PTPRB: variants seen among roughly 807,000 people sequenced by gnomAD.
PTPRB encodes the protein protein tyrosine phosphatase receptor type B, also known as receptor-type tyrosine-protein phosphatase beta.
A neutral mutation model predicts 238.1 loss-of-function variants in PTPRB; 97 were observed. That is an observed-to-expected ratio of 0.41 (90% confidence interval 0.35 to 0.48). PTPRB has a LOEUF of 0.48. Among genes scored for constraint, PTPRB ranks in the 20% least tolerant of loss-of-function variants. PTPRB has a pLI of 0.30. For missense variants in PTPRB, 2,292 were observed against 2,681.9 expected, an observed-to-expected ratio of 0.85 and a Z score of 3.21; for synonymous variants, 970 against 995.4, an observed-to-expected ratio of 0.97 and a Z score of 0.48.
At chr12:70,629,701 A>G (rs983108708) in intron 2 of PTPRB, among the ~76,000 whole-genome samples, 1 of 152,162 alleles carries the variant, frequency 6.6e-6, no homozygotes, top group Non-Finnish European at 1.5e-5. Context: ...GACTGCTAAC[A>G]AGACTAATAA....
At chr12:70,590,914 T>A (rs2136460256) in intron 7 of PTPRB, among the ~76,000 whole-genome samples, 1 of 151,062 alleles carries the variant, frequency 6.6e-6, no homozygotes, top group African/African-American at 2.4e-5. Flanking sequence ...TAGGTCCTTA[T>A]TAAAGATCAT....
chr12:70,520,426 A>C lies in PTPRB; in HGVS notation c.*1063T>G, dbSNP rs896911344. ...GAAGACCACTGTTTTTGTTTTTGCT[A>C]TTGTTTTTAAATTTACTATATATGA... On this transcript the variant is annotated 3_prime_UTR_variant, in exon 34 of 34. Coordinates refer to ENST00000334414, the MANE Select transcript of PTPRB (RefSeq NM_001109754.4). 8.6e-6 allele frequency: 2 copies of C among 231,394 alleles called. No individual in the cohort carries two copies. The highest frequency in any genetic ancestry group is 1.7e-5 in the Non-Finnish European group (2 of 114,622). 14.3% of individuals were successfully genotyped at this position (231,394 alleles called of 1,614,324 possible).
chr12:70,571,566 T>G, intron 12 of PTPRB: 2 of 585,652 alleles, frequency 3.4e-6, no homozygotes, highest in Non-Finnish European at 5.9e-6. Flanking sequence ...GTCTAGAATC[T>G]AAATGCCATG....
At position 70,539,008 on chromosome 12, in the gene PTPRB, T is replaced by A; in HGVS notation, c.5785A>T (p.Lys1929Ter). ...YLLSKEYEELKDVGRNQSCDI... is the reference protein window; with the variant it reads ...YLLSKEYEEL ...CATGACTGGTTTCGGCCCACGTCTTTTAACTCCTGTTAGGTCAAATATGAG... is the reference window on the plus strand; with the variant it reads ...CATGACTGGTTTCGGCCCACGTCTTATAACTCCTGTTAGGTCAAATATGAG... Residue 1929 changes from lysine (K) to a stop codon, truncating the protein, a stop_gained, in exon 27 of 34, where the codon AAA becomes TAA. Coordinates refer to ENST00000334414, the MANE Select transcript of PTPRB (RefSeq NM_001109754.4). LOFTEE classifies it high-confidence loss of function. The A allele has an allele frequency of 6.2e-7, 1 of 1,612,820 alleles. No individual in the cohort carries two copies. Among genetic ancestry groups the A allele is most frequent in the Non-Finnish European group, 8.5e-7 (1 of 1,179,076 alleles).
intron 30 of PTPRB, 80 bp downstream of exon 30, chr12:70,534,753 A>G: frequency 3.7e-6 from 6 of 1,600,068 alleles, no homozygotes; most frequent in Non-Finnish European, 5.1e-6. Context: ...AAACTACAAG[A>G]GAGGAACCAG....
At chr12:70,586,942 T>G in intron 9 of PTPRB, 65 bp downstream of exon 9, 1 of 1,469,094 alleles carries the variant, frequency 6.8e-7, no homozygotes, top group South Asian at 1.3e-5. Context: ...ACTTGTAAAT[T>G]GCATGTTAAA....
At chr12:70,601,420 G>T (rs890047205) in intron 4 of PTPRB, among the ~76,000 whole-genome samples, 1 of 152,080 alleles carries the variant, frequency 6.6e-6, no homozygotes, top group Non-Finnish European at 1.5e-5. Context: ...TCTATTTCAG[G>T]ATAAAGTCTA....
intron 22 of PTPRB, 145 bp from the exon 23 acceptor site, chr12:70,541,102 C>T: frequency 1.5e-6 from 1 of 685,154 alleles, no homozygotes; most frequent in Admixed American, 2.7e-5. Flanking sequence ...CATTTACTTT[C>T]CAAAGGCTCT....
intron 33 of PTPRB, among the ~76,000 whole-genome samples, chr12:70,522,233 T>G (rs186496132): frequency 6.6e-6 from 1 of 152,236 alleles, no homozygotes. Flanking sequence ...GAAATAATGT[T>G]TGTCAAAGAA....
intron 21 of PTPRB, among the ~76,000 whole-genome samples, chr12:70,548,469 GC>G (rs749020307): frequency 6.6e-6 from 1 of 151,958 alleles, no homozygotes; most frequent in Non-Finnish European, 1.5e-5. Flanking sequence ...TTACTCCATT[GC>G]TGGCTACTTG....
intron 2 of PTPRB, among the ~76,000 whole-genome samples, chr12:70,627,564 A>C (rs368983001): frequency 6.6e-5 from 10 of 152,210 alleles, no homozygotes; most frequent in East Asian, 3.9e-4. Context: ...CCATAGAGGC[A>C]AAAGAACCCA....
chr12:70,523,691 C>T (rs938221214), intron 33 of PTPRB, among the ~76,000 whole-genome samples: 9 of 152,154 alleles, frequency 5.9e-5, no homozygotes, highest in South Asian at 2.1e-4. Flanking sequence ...CTCTCTTCCC[C>T]GTTGCCACTC....
Position 70,609,284 on chromosome 12 carries a change from G to T in PTPRB, c.764C>A (p.Ser255Tyr). 2 of 1,614,032 alleles carry T rather than the reference G, an allele frequency of 1.2e-6. No individual in the cohort carries two copies. Among genetic ancestry groups the T allele is most frequent in the Non-Finnish European group, 1.7e-6 (2 of 1,179,902 alleles). The change falls in exon 4 of 34, where the codon TCC (serine) becomes TAC (tyrosine). Residue 255 changes from serine to tyrosine, a missense_variant. Coordinates refer to ENST00000334414, the MANE Select transcript of PTPRB (RefSeq NM_001109754.4). Reference protein sequence around the residue: ...CNFTLAESKASSHSVSIQWRI... With the variant: ...CNFTLAESKAYSHSVSIQWRI... ...CCACTGGATAGACACAGAATGGCTG[G>T]AGGCCTTGGACTCCGCCAGGGTGAA...
chr12:70,517,209 A>C lies in PTPRB; in HGVS notation c.*4280T>G, dbSNP rs1592369920. On this transcript the variant is annotated 3_prime_UTR_variant, in exon 34 of 34. Coordinates refer to ENST00000334414, the MANE Select transcript of PTPRB (RefSeq NM_001109754.4). The stretch of plus-strand genomic sequence containing the variant: ...TTCAAAAAGCAAAATAAATTGATTC[A>C]ATTGTTTAATCAGTTAAACCATCTG... The C allele has an allele frequency of 6.6e-6, 1 of 152,352 alleles. No individual in the cohort carries two copies. Among genetic ancestry groups the C allele is most frequent in the Non-Finnish European group, 1.5e-5 (1 of 68,038 alleles). 9.4% of individuals were successfully genotyped at this position (152,352 alleles called of 1,614,324 possible). A position where few individuals can be genotyped will look rare whatever the true frequency, so the allele number is the denominator to read the frequency against.
chr12:70,576,853 C>T (rs1880836521), intron 10 of PTPRB, among the ~76,000 whole-genome samples: 2 of 152,050 alleles, frequency 1.3e-5, no homozygotes, highest in Non-Finnish European at 1.5e-5. Context: ...GAAAACTAAT[C>T]AAAATAAAAA....
intron 10 of PTPRB, 136 bp downstream of exon 10, chr12:70,580,900 G>A (rs1037493611): frequency 1.2e-5 from 11 of 922,360 alleles, no homozygotes; most frequent in Non-Finnish European, 1.8e-5. Context: ...CTTCTGGATG[G>A]CTAGCTTTTG....
At chr12:70,621,616 A>G (rs1566019639) in intron 3 of PTPRB, among the ~76,000 whole-genome samples, 1 of 152,226 alleles carries the variant, frequency 6.6e-6, no homozygotes, top group Non-Finnish European at 1.5e-5. Context: ...ATGCAATGTG[A>G]AATTCTGCAC....
At chr12:70,569,991 A>T in intron 13 of PTPRB, 53 bp from the exon 14 acceptor site, 1 of 1,488,890 alleles carries the variant, frequency 6.7e-7, no homozygotes. Flanking sequence ...AACTGTTGAA[A>T]TTTTCAAACA....
intron 7 of PTPRB, chr12:70,591,885 C>G (rs1882521806): frequency 5.2e-6 from 1 of 191,126 alleles, no homozygotes; most frequent in Admixed American, 5.4e-5. Flanking sequence ...AACAATAGTA[C>G]AGTAATTTAC....
Sources: gnomAD v4.1 joint callset for allele counts (sites outside exome capture counted in the v4.1 genomes callset) on GRCh38, gnomAD v4.1.1 for gene constraint, MANE v1.5 for transcripts, NCBI Gene and HGNC (gene_info 2026-07-23, HGNC 2026-07-21) for gene names.